Variants in NDST4 observed in about 807,000 individuals in gnomAD.
The protein encoded by NDST4 is N-heparan sulfate sulfotransferase 4.
NDST4 carries 63 observed loss-of-function variants against 100.8 expected under a neutral mutation model. The observed-to-expected ratio is 0.62, with a 90% CI of 0.51 to 0.77. The LOEUF (loss-of-function observed/expected upper bound fraction) is 0.77, where lower values mean the gene tolerates loss of function less well. Ranked by LOEUF, NDST4 falls within the 30% of genes least tolerant of loss-of-function variation. The probability of loss-of-function intolerance (pLI) is 0.00; values close to 1 mark genes in which losing one functional copy is unlikely to be tolerated. For synonymous variants in NDST4, 377 were observed against 361.8 expected, an observed-to-expected ratio of 1.04 and a Z score of -0.48; for missense variants, 943 against 1,018.4, an observed-to-expected ratio of 0.93 and a Z score of 1.01.
At chr4:115,073,050 G>A (rs1204671180) in intron 2 of NDST4, among the ~76,000 whole-genome samples, 1 of 151,894 alleles carries the variant, frequency 6.6e-6, no homozygotes, top group African/African-American at 2.4e-5. Flanking sequence ...AAACATAAAT[G>A]ACCAATAGGT....
intron 4 of NDST4, among the ~76,000 whole-genome samples, chr4:114,941,802 C>A (rs1200391659): frequency 6.6e-6 from 1 of 152,074 alleles, no homozygotes; most frequent in Non-Finnish European, 1.5e-5. Context: ...ATGAGTCCTT[C>A]CAAAGATTTT....
chr4:114,983,496 C>CT (rs771185867), intron 2 of NDST4, among the ~76,000 whole-genome samples: 34 of 152,046 alleles, frequency 2.2e-4, no homozygotes, highest in African/African-American at 2.6e-4. Flanking sequence ...CCTGTAGCCC[C>CT]TTTTTTTTGG....
intron 4 of NDST4, among the ~76,000 whole-genome samples, chr4:114,968,172 C>G (rs1049026111): frequency 6.6e-6 from 1 of 152,178 alleles, no homozygotes; most frequent in African/African-American, 2.4e-5. Flanking sequence ...GAGTGATGAG[C>G]TATTAGCTTA....
chr4:115,004,977 A>G (rs969604965), intron 2 of NDST4, among the ~76,000 whole-genome samples: 1 of 152,184 alleles, frequency 6.6e-6, no homozygotes, highest in Non-Finnish European at 1.5e-5. Flanking sequence ...TAATTTTAAC[A>G]AGAACTGGAT....
In NDST4 at chr4:115,076,166, A is replaced by G; in HGVS notation, c.871T>C (p.Leu291=). Residue 291 remains leucine (L), a synonymous_variant, in exon 2 of 14, where the codon TTG becomes CTG. Coordinates refer to ENST00000264363, the MANE Select transcript of NDST4 (RefSeq NM_022569.3). ...GACAATGTCAGCCTCTTCCCTGACA[A>G]GAAGGAGATGGCATCTATGAAGATG... ...KLIFIDAISF[L]SGKRLTLSLD... 1.2e-6 allele frequency: 2 copies of G among 1,613,934 alleles called. No individual in the cohort carries two copies. Among genetic ancestry groups the G allele is most frequent in the Admixed American group, 1.7e-5 (1 of 60,000 alleles).
intron 2 of NDST4, among the ~76,000 whole-genome samples, chr4:114,982,494 C>T (rs544291357): frequency 2.0e-5 from 3 of 152,236 alleles, no homozygotes; most frequent in African/African-American, 7.2e-5. Flanking sequence ...TCTGGAGGAA[C>T]AAATTTCTAA....
intron 2 of NDST4, among the ~76,000 whole-genome samples, chr4:115,036,389 T>G (rs1462722610): frequency 6.7e-6 from 1 of 150,372 alleles, no homozygotes; most frequent in Non-Finnish European, 1.5e-5. Flanking sequence ...ACTATATATT[T>G]ATATAATTTT....
chr4:114,984,469 T>G (rs1452596841), intron 2 of NDST4, among the ~76,000 whole-genome samples: 1 of 152,114 alleles, frequency 6.6e-6, no homozygotes, highest in African/African-American at 2.4e-5. Context: ...GCGCCAGGCC[T>G]AATACAGTCT....
chr4:115,053,329 A>G (rs1296479425), intron 2 of NDST4, among the ~76,000 whole-genome samples: 2 of 152,146 alleles, frequency 1.3e-5, no homozygotes, highest in African/African-American at 4.8e-5. Context: ...CTTAAATAGG[A>G]TGGACTTTTT....
chr4:114,867,665 C>CCA (rs1724061211), intron 7 of NDST4, among the ~76,000 whole-genome samples: 2 of 79,888 alleles, frequency 2.5e-5, no homozygotes, highest in African/African-American at 4.9e-5. Flanking sequence ...AAAAAAAAAG[C>CCA]AAAAAAAAAA....
rs1258452673 is a variant in NDST4, at chr4:114,970,471, A to G, written c.1180T>C (p.Ser394Pro). The G allele has an allele frequency of 1.2e-6, 2 of 1,614,074 alleles. No homozygotes were observed. ...TTGAGAATCATCTGCTCTACTAAAG[A>G]TGACTCGTTGTGGAAGAGGTGGGGC... Reference protein sequence around the residue: ...MQPHLFHNESSLVEQMILNKE... With the variant: ...MQPHLFHNESPLVEQMILNKE... Residue 394 changes from serine to proline, a missense_variant, in exon 4 of 14, where the codon TCT (serine) becomes CCT (proline). Around this residue, in one of 2 missense-constraint regions of NDST4, gnomAD observed 526 missense variants for 634.1 expected, o/e 0.83. Coordinates refer to ENST00000264363, the MANE Select transcript of NDST4 (RefSeq NM_022569.3).
intron 2 of NDST4, among the ~76,000 whole-genome samples, chr4:115,050,995 T>C (rs1358527811): frequency 6.6e-6 from 1 of 152,098 alleles, no homozygotes; most frequent in African/African-American, 2.4e-5. Context: ...TTTATTTAGA[T>C]TGTATGCATT....
intron 12 of NDST4, among the ~76,000 whole-genome samples, chr4:114,830,408 G>A (rs949216498): frequency 3.3e-5 from 5 of 152,134 alleles, no homozygotes; most frequent in African/African-American, 1.2e-4. Context: ...AGTTCAAAAT[G>A]CTTACACTTT....
At chr4:115,044,626 T>C (rs984171171) in intron 2 of NDST4, among the ~76,000 whole-genome samples, 3 of 150,904 alleles carry the variant, frequency 2.0e-5, no homozygotes, top group East Asian at 2.0e-4. Flanking sequence ...TGTATTTTGA[T>C]AGATGAAATT....
At chr4:114,954,394 A>G (rs1045270933) in intron 4 of NDST4, among the ~76,000 whole-genome samples, 1 of 152,196 alleles carries the variant, frequency 6.6e-6, no homozygotes, top group Non-Finnish European at 1.5e-5. Flanking sequence ...GCTTAAATGT[A>G]AAAGCAGGAT....
At chr4:115,020,981 A>G (rs1727799529) in intron 2 of NDST4, among the ~76,000 whole-genome samples, 1 of 152,130 alleles carries the variant, frequency 6.6e-6, no homozygotes. Context: ...AAACTAGTAC[A>G]ACCACTATGG....
intron 7 of NDST4, among the ~76,000 whole-genome samples, chr4:114,862,959 T>C (rs1329817762): frequency 6.6e-6 from 1 of 152,198 alleles, no homozygotes; most frequent in Non-Finnish European, 1.5e-5. Context: ...GCAATCCTTT[T>C]ATATTATGCT....
At chr4:114,856,527 T>A (rs1329721897) in intron 7 of NDST4, among the ~76,000 whole-genome samples, 1 of 152,218 alleles carries the variant, frequency 6.6e-6, no homozygotes, top group Non-Finnish European at 1.5e-5. Context: ...TTTTAACCAT[T>A]TTGCCAAATA....
chr4:115,042,099 T>C (rs1003201306), intron 2 of NDST4, among the ~76,000 whole-genome samples: 1 of 152,144 alleles, frequency 6.6e-6, no homozygotes, highest in Non-Finnish European at 1.5e-5. Context: ...CCAACTACTG[T>C]CTGAAAATAT....
Sources: allele counts gnomAD v4.1 joint callset (sites outside exome capture counted in the v4.1 genomes callset), GRCh38; gene constraint gnomAD v4.1.1; regional missense constraint gnomAD v4.1.1; transcripts MANE v1.5; gene names NCBI Gene and HGNC (gene_info 2026-07-23, HGNC 2026-07-21).